SPAG1: variants seen among roughly 807,000 people sequenced by gnomAD.
SPAG1 encodes the protein sperm associated antigen 1.
SPAG1 carries 69 observed loss-of-function variants against 100.5 expected under a neutral mutation model. The observed-to-expected ratio is 0.69, with a 90% confidence interval of 0.57 to 0.84. SPAG1 has a LOEUF of 0.84. Ranked by LOEUF, SPAG1 falls within the 40% of genes least tolerant of loss-of-function variation. The pLI is 0.00. For synonymous variants in SPAG1, 336 were observed against 411.6 expected (o/e 0.82, Z 2.22); for missense variants, 955 against 1,133.1 (o/e 0.84, Z 2.26).
intron 12 of SPAG1, among the ~76,000 whole-genome samples, chr8:100,217,364 A>G (rs995162889): frequency 6.6e-6 from 1 of 152,212 alleles, no homozygotes; most frequent in Non-Finnish European, 1.5e-5. Context: ...GTATTTTGGG[A>G]AAAACTACCA....
intron 12 of SPAG1, among the ~76,000 whole-genome samples, chr8:100,216,617 G>A (rs1271251093): frequency 6.6e-6 from 1 of 152,146 alleles, no homozygotes; most frequent in African/African-American, 2.4e-5. Flanking sequence ...AAGGAACCTG[G>A]CCTTGCTGGT....
rs1206353540 is a variant in SPAG1, at chr8:100,213,259, C to T, written c.1266C>T (p.Ala422=). The change falls in exon 11 of 19, where the codon GCC becomes GCT. Residue 422 remains alanine (A), a synonymous_variant. Coordinates refer to ENST00000388798, the MANE Select transcript of SPAG1 (RefSeq NM_003114.5). The part of the protein sequence containing the change: ...AGADKRSPRR[A]SAAAAAGGGA... The stretch of plus-strand genomic sequence containing the variant: ...CGGACAAGCGGAGCCCACGGCGGGC[C>T]TCTGCGGCGGCGGCGGCGGGCGGCG... 3 of 1,218,544 alleles carry T rather than the reference C, an allele frequency of 2.5e-6. No homozygotes were observed. The highest frequency in any genetic ancestry group is 4.4e-5 in the Admixed American group (1 of 22,736). 75.5% of individuals were successfully genotyped at this position (1,218,544 alleles called of 1,614,324 possible).
At chr8:100,232,464 C>T (rs1393758556) in intron 15 of SPAG1, among the ~76,000 whole-genome samples, 2 of 152,154 alleles carry the variant, frequency 1.3e-5, no homozygotes, top group Non-Finnish European at 2.9e-5. Flanking sequence ...GACTGAAGCG[C>T]TCCCCATCTC....
At chr8:100,213,471 G>C in intron 11 of SPAG1, 43 bp downstream of exon 11, 1 of 1,353,440 alleles carries the variant, frequency 7.4e-7, no homozygotes, top group East Asian at 3.1e-5. Flanking sequence ...CCCTCGCGCT[G>C]CGGTTCACCC....
chr8:100,175,026 G>A (rs1233160229), intron 3 of SPAG1, among the ~76,000 whole-genome samples: 3 of 148,096 alleles, frequency 2.0e-5, no homozygotes, highest in African/African-American at 5.0e-5. Context: ...GGGCTGGAAC[G>A]TAATGGCTAT....
intron 7 of SPAG1, among the ~76,000 whole-genome samples, chr8:100,186,182 C>T (rs1816582081): frequency 6.6e-6 from 1 of 150,750 alleles, no homozygotes; most frequent in Admixed American, 6.6e-5. Context: ...CCTCCCACCT[C>T]AGCCTCCTGA....
chr8:100,187,140 C>T lies in SPAG1; in HGVS notation c.722C>T (p.Thr241Ile). The T allele has an allele frequency of 3.7e-6, 6 of 1,611,808 alleles. No homozygotes were observed. Among genetic ancestry groups the T allele is most frequent in the Non-Finnish European group, 4.2e-6 (5 of 1,178,720 alleles). Reference sequence around the variant, plus strand: ...TCTAGGAGCATATCAGCGCTTCCCACTGTAGTTGCCTATAACAATCGAGCT... The same window carrying T: ...TCTAGGAGCATATCAGCGCTTCCCATTGTAGTTGCCTATAACAATCGAGCT... ...YYTRSISALP[T>I]VVAYNNRAQA... The change falls in exon 8 of 19, where the codon ACT (threonine) becomes ATT (isoleucine). Residue 241 changes from threonine (T) to isoleucine (I), a missense_variant. Thr to Ile is a moderately conservative substitution (Grantham distance 89). Coordinates refer to ENST00000388798, the MANE Select transcript of SPAG1 (RefSeq NM_003114.5).
chr8:100,225,286 T>C lies in SPAG1; in HGVS notation c.1802T>C (p.Met601Thr). ...CAAGCTTGGCATCCGGCAAAAGAGA[T>C]GATCTCAAAACAAGCAGGAGACTCC... ...PLQAWHPAKE[M>T]ISKQAGDSSS... Residue 601 changes from methionine (M) to threonine (T), a missense_variant, in exon 14 of 19, where the codon ATG (methionine) becomes ACG (threonine). Transcript: ENST00000388798. 6.2e-7 allele frequency: 1 copy of C among 1,613,796 alleles called. No individual in the cohort carries two copies. Among genetic ancestry groups the C allele is most frequent in the Non-Finnish European group, 8.5e-7 (1 of 1,179,988 alleles).
intron 12 of SPAG1, among the ~76,000 whole-genome samples, chr8:100,219,765 T>A (rs1818176016): frequency 6.6e-6 from 1 of 152,116 alleles, no homozygotes; most frequent in African/African-American, 2.4e-5. Flanking sequence ...TTAGAAGAAA[T>A]CATTGTAGGT....
chr8:100,179,357 T>C (rs566144468), intron 4 of SPAG1, among the ~76,000 whole-genome samples: 41 of 152,232 alleles, frequency 2.7e-4, no homozygotes, highest in Admixed American at 2.7e-3. Context: ...TACTCCAGCC[T>C]GGGGGAAAGA....
chr8:100,224,550 A>G (rs1285111319), intron 13 of SPAG1, among the ~76,000 whole-genome samples: 2 of 152,216 alleles, frequency 1.3e-5, no homozygotes, highest in African/African-American at 4.8e-5. Context: ...TCAAAAACAA[A>G]ACAAACAAAC....
At position 100,189,040 on chromosome 8, in the gene SPAG1, C is replaced by A. The variant is rs566475532; in HGVS notation, c.832+1790C>A. ...CATGTATTAACTCTGTTAATTTTAA[C>A]AAAACTCTCGGCCAGGCTTAGTGGT... On this transcript the variant is annotated intron_variant, in intron 8 of 18. Coordinates refer to ENST00000388798, the MANE Select transcript of SPAG1 (RefSeq NM_003114.5). 5.2e-3 allele frequency among the ~76,000 whole-genome samples: 792 copies of A among 152,206 alleles called. 10 individuals are homozygous for A. The highest frequency in any genetic ancestry group is 0.018 in the African/African-American group (742 of 41,550).
At chr8:100,231,076 G>T (rs1818746110) in intron 14 of SPAG1, 80 bp from the exon 15 acceptor site, 2 of 1,283,876 alleles carry the variant, frequency 1.6e-6, no homozygotes, top group Non-Finnish European at 2.1e-6. Context: ...TGCAATAGAA[G>T]ATTTACTTAT....
At chr8:100,196,933 TC>T (rs1817057068) in intron 10 of SPAG1, among the ~76,000 whole-genome samples, 1 of 151,930 alleles carries the variant, frequency 6.6e-6, no homozygotes, top group Non-Finnish European at 1.5e-5. Context: ...TTTCTTTTCT[TC>T]TTTTTGAGAT....
chr8:100,170,229 A>G (rs62532708), intron 3 of SPAG1, among the ~76,000 whole-genome samples: 6 of 152,170 alleles, frequency 3.9e-5, no homozygotes, highest in Non-Finnish European at 7.4e-5. Context: ...AATGTCTTAT[A>G]GTTTTCAGTA....
rs752651862 is a variant in SPAG1, at chr8:100,240,863, TG to T, written c.2650-27del. The T allele has an allele frequency of 1.4e-4, 215 of 1,568,938 alleles. No individual in the cohort carries two copies. In the African/African-American group the frequency reaches 1.9e-3, roughly 14 times the overall value. ...ACTTATGCTAACATAGTTGGTTTTT[TG>T]TTTTTTTTTTTTTTTGCTTCTTTTA... is the stretch of plus-strand genomic sequence containing the variant. On this transcript the variant is annotated intron_variant, in intron 18 of 18. Coordinates refer to ENST00000388798, the MANE Select transcript of SPAG1 (RefSeq NM_003114.5).
In SPAG1 at chr8:100,239,757, G is replaced by T. The variant is rs150448516; in HGVS notation, c.2280+353G>T. On this transcript the variant is annotated intron_variant, in intron 17 of 18. Transcript: ENST00000388798. This position sits in a 1 kb window ranked among gnomAD's most constrained non-coding sequence, Gnocchi z 5.0. ...TGACGGGACTGATTTTGTTACAGGG[G>T]CCCTGAAAGCCTCACCTCATAGAGA... is the stretch of plus-strand genomic sequence containing the variant. Among the ~76,000 whole-genome samples the T allele has an allele frequency of 6.6e-6, 1 of 152,172 alleles. No homozygotes were observed. The highest frequency in any genetic ancestry group is 1.5e-5 in the Non-Finnish European group (1 of 68,036).
At chr8:100,222,345 T>C (rs1818322033) in intron 13 of SPAG1, among the ~76,000 whole-genome samples, 2 of 152,354 alleles carry the variant, frequency 1.3e-5, no homozygotes, top group East Asian at 1.9e-4. Flanking sequence ...ATTCTTTTCC[T>C]GTAGCTGTAG....
At chr8:100,162,790 C>T (rs1301324474) in intron 2 of SPAG1, among the ~76,000 whole-genome samples, 2 of 152,064 alleles carry the variant, frequency 1.3e-5, no homozygotes, top group Non-Finnish European at 2.9e-5. Flanking sequence ...CCAGCCTGAG[C>T]AACAGGGTGA....
Sources: allele counts gnomAD v4.1 joint callset (sites outside exome capture counted in the v4.1 genomes callset), GRCh38; gene constraint gnomAD v4.1.1; non-coding constraint Gnocchi (gnomAD v3.1); transcripts MANE v1.5; gene names NCBI Gene and HGNC (gene_info 2026-07-23, HGNC 2026-07-21).